DSP: variants seen among roughly 807,000 people sequenced by gnomAD.
The protein encoded by DSP is 250/210 kDa paraneoplastic pemphigus antigen.
Under a neutral mutation model 290.6 loss-of-function variants are expected in DSP, and 114 were observed. The ratio of observed to expected loss-of-function variants is 0.39; its 90% confidence interval spans 0.34 to 0.46. The LOEUF is 0.46. Among genes scored for constraint, DSP ranks in the 20% least tolerant of loss-of-function variants. The probability of loss-of-function intolerance (pLI) is 0.99; values close to 1 mark genes in which losing one functional copy is unlikely to be tolerated. For missense variants in DSP, 3,230 were observed against 3,495.8 expected (o/e 0.92, Z 1.92); for synonymous variants, 1,311 against 1,316.4 (o/e 1.00, Z 0.09).
rs1229844744 is a variant in DSP at position 7,567,675 on chromosome 6, A to G, written c.1141-106A>G. 1.9e-5 allele frequency: 29 copies of G among 1,560,272 alleles called. No individual in the cohort carries two copies. The African/African-American group carries it at 2.2e-4, about 12-fold the overall frequency. The stretch of plus-strand genomic sequence containing the variant: ...TCTGCACGAATTTTTTCCTTTAGCC[A>G]CCTGTCAAAGAGATGTTTAGGGATG... On this transcript the variant is annotated intron_variant, in intron 9 of 23. Transcript: ENST00000379802.
At chr6:7,559,656 G>A (rs1758621557) in intron 4 of DSP, among the ~76,000 whole-genome samples, 1 of 152,150 alleles carries the variant, frequency 6.6e-6, no homozygotes, top group South Asian at 2.1e-4. Context: ...TATTTAACAT[G>A]TGTAATTTAG....
chr6:7,550,534 C>T (rs562307257), intron 1 of DSP, among the ~76,000 whole-genome samples: 15 of 152,072 alleles, frequency 9.9e-5, no homozygotes, highest in Non-Finnish European at 2.1e-4. Context: ...GGATTAGAAT[C>T]CAGAACTTGT....
At position 7,579,319 on chromosome 6, in the gene DSP, G is replaced by A; in HGVS notation, c.3129G>A (p.Leu1043=). The change falls in exon 23 of 24, where the codon CTG becomes CTA. Residue 1043 remains leucine, a synonymous_variant. Transcript: ENST00000379802. The surrounding 1 kb of genome is among the most constrained non-coding windows in gnomAD (Gnocchi z 4.1). ...KIEVLEEELR[L]ARDANSENCN... is the part of the protein sequence containing the mutation. Reference sequence around the variant, plus strand: ...AAGTTTTGGAAGAGGAGCTCAGACTGGCCCGAGATGCCAACTCGGAAAACT... The same window carrying A: ...AAGTTTTGGAAGAGGAGCTCAGACTAGCCCGAGATGCCAACTCGGAAAACT... 1 of 1,614,190 alleles carries A rather than the reference G, an allele frequency of 6.2e-7. No individual in the cohort carries two copies. The highest frequency in any genetic ancestry group is 8.5e-7 in the Non-Finnish European group (1 of 1,180,032).
At chr6:7,573,307 G>A (rs1174171389) in intron 15 of DSP, among the ~76,000 whole-genome samples, 5 of 152,024 alleles carry the variant, frequency 3.3e-5, no homozygotes, top group African/African-American at 4.8e-5. Flanking sequence ...GGCCAGGTGC[G>A]GTGGCTCACG....
rs1430146519 is a variant in DSP, at chr6:7,580,288, T to G, written c.4098T>G (p.Phe1366Leu). The change falls in exon 23 of 24, where the codon TTT (phenylalanine) becomes TTG (leucine). Residue 1366 changes from phenylalanine (F) to leucine (L), a missense_variant. This residue lies in a region of DSP where 1,714 missense variants were observed against 1,844.5 expected (regional missense o/e 0.93). Coordinates refer to ENST00000379802, the MANE Select transcript of DSP (RefSeq NM_004415.4). The surrounding 1 kb of genome is among the most constrained non-coding windows in gnomAD (Gnocchi z 4.2). ...DEEIISLKNQFETEINITKTT... is the reference protein window; with the variant it reads ...DEEIISLKNQLETEINITKTT... ...AGATCATTAGCTTAAAAAATCAGTT[T>G]GAGACCGAGATCAACATCACCAAGA... 1.2e-6 allele frequency: 2 copies of G among 1,611,650 alleles called. No homozygotes were observed. Among genetic ancestry groups the G allele is most frequent in the African/African-American group, 2.7e-5 (2 of 74,178 alleles).
intron 7 of DSP, 59 bp from the exon 8 acceptor site, chr6:7,566,318 G>C (rs1758862315): frequency 7.5e-7 from 1 of 1,337,646 alleles, no homozygotes; most frequent in African/African-American, 1.4e-5. Flanking sequence ...AGTACTGTGG[G>C]GGTGATGGAA....
intron 10 of DSP, 75 bp downstream of exon 10, chr6:7,567,981 G>A: frequency 6.3e-7 from 1 of 1,589,166 alleles, no homozygotes. Context: ...GATGCAGTTG[G>A]CTCTGATTAG....
At position 7,585,993 on chromosome 6, in the gene DSP, C is replaced by A; in HGVS notation, c.*115C>A. 3.7e-6 allele frequency: 4 copies of A among 1,075,244 alleles called. No homozygotes were observed. Among genetic ancestry groups the A allele is most frequent in the African/African-American group, 1.6e-5 (1 of 63,786 alleles). 66.6% of individuals were successfully genotyped at this position (1,075,244 alleles called of 1,614,324 possible). Reference sequence around the variant, plus strand: ...CAGTAGAGTGATAGGACATTCTATGCTTACAGAAAATATAGCCATGATTGA... The same window carrying A: ...CAGTAGAGTGATAGGACATTCTATGATTACAGAAAATATAGCCATGATTGA... On this transcript the variant is annotated 3_prime_UTR_variant, in exon 24 of 24. Coordinates refer to ENST00000379802, the MANE Select transcript of DSP (RefSeq NM_004415.4).
chr6:7,576,680 T>C (rs1425819665), intron 19 of DSP, among the ~76,000 whole-genome samples: 1 of 152,204 alleles, frequency 6.6e-6, no homozygotes, highest in Non-Finnish European at 1.5e-5. Flanking sequence ...GTTCTCTTCA[T>C]GTTATCATAA....
chr6:7,561,370 C>T (rs1758687711), intron 4 of DSP, among the ~76,000 whole-genome samples: 1 of 152,184 alleles, frequency 6.6e-6, no homozygotes, highest in African/African-American at 2.4e-5. Flanking sequence ...CAGGTTCGCT[C>T]TGGGATTTGC....
chr6:7,562,649 C>A lies in DSP; in HGVS notation c.598-3C>A. Reference sequence around the variant, plus strand: ...GGCGCCTCTCTTTGTCTTTGTGTCGCAGGCGGAGATGGACATGGTGGCCTG... The same window carrying A: ...GGCGCCTCTCTTTGTCTTTGTGTCGAAGGCGGAGATGGACATGGTGGCCTG... On this transcript the variant is annotated splice_polypyrimidine_tract_variant and splice_region_variant and intron_variant, in intron 4 of 23. Coordinates refer to ENST00000379802, the MANE Select transcript of DSP (RefSeq NM_004415.4). 2 of 1,614,120 alleles carry A rather than the reference C, an allele frequency of 1.2e-6. No homozygotes were observed. The highest frequency in any genetic ancestry group is 8.5e-7 in the Non-Finnish European group (1 of 1,180,010).
In DSP at chr6:7,581,071, G is replaced by T. The variant is rs746035936; in HGVS notation, c.4881G>T (p.Lys1627Asn). ...TGGAGCAGGCATCCATTGTTAAGAA[G>T]AGGAGTGAGGATGACCTCCGGCAGC... ...QQLEQASIVK[K>N]RSEDDLRQQR... is the part of the protein sequence containing the mutation. Residue 1627 changes from lysine (K) to asparagine (N), a missense_variant, in exon 23 of 24, where the codon AAG becomes AAT. Lys to Asn is a moderately conservative substitution (Grantham distance 94). Coordinates refer to ENST00000379802, the MANE Select transcript of DSP (RefSeq NM_004415.4). 1 of 1,614,078 alleles carries T rather than the reference G, an allele frequency of 6.2e-7. No homozygotes were observed.
chr6:7,573,024 C>T (rs1759103907), intron 15 of DSP, among the ~76,000 whole-genome samples: 1 of 151,998 alleles, frequency 6.6e-6, no homozygotes, highest in African/African-American at 2.4e-5. Context: ...CAGCTACTTG[C>T]TTGAGCTCAG....
Position 7,581,166 on chromosome 6 carries a change from C to G in DSP, c.4976C>G (p.Ser1659Cys). ...CAGGAAGAGCTGAGGAGGCTCTCTT[C>G]TGAGGTCGAGGCCCTGAGGCGGCAG... ...RTQEELRRLS[S>C]EVEALRRQLL... Residue 1659 changes from serine (S) to cysteine (C), a missense_variant, in exon 23 of 24, where the codon TCT becomes TGT. Coordinates refer to ENST00000379802, the MANE Select transcript of DSP (RefSeq NM_004415.4). 6.2e-7 allele frequency: 1 copy of G among 1,614,174 alleles called. No homozygotes were observed. The highest frequency in any genetic ancestry group is 8.5e-7 in the Non-Finnish European group (1 of 1,180,046).
Position 7,584,384 on chromosome 6 carries a change from C to T in DSP, c.7122C>T (p.Thr2374=), listed in dbSNP as rs2076300. The change falls in exon 24 of 24, where the codon ACC becomes ACT. Residue 2374 remains threonine (T), a synonymous_variant. Transcript: ENST00000379802. The surrounding 1 kb of genome is among the most constrained non-coding windows in gnomAD (Gnocchi z 6.4). ...GIRLLEAQIA[T]GGIIDPKESH... is the part of the protein sequence containing the mutation. ...GCTTATTAGAAGCACAGATCGCAAC[C>T]GGGGGGATCATTGACCCAAAGGAGA... 524,954 of 1,613,850 alleles carry T rather than the reference C, an allele frequency of 0.33. 89,258 individuals are homozygous for T. Among genetic ancestry groups the T allele is most frequent in the Middle Eastern group, 0.4 (2,413 of 6,062 alleles).
At chr6:7,556,141 A>C (rs1250060196) in intron 2 of DSP, among the ~76,000 whole-genome samples, 1 of 152,100 alleles carries the variant, frequency 6.6e-6, no homozygotes, top group Non-Finnish European at 1.5e-5. Flanking sequence ...GAGAAATGCA[A>C]CCTGGCATGT....
Position 7,585,759 on chromosome 6 carries a change from T to C in DSP, c.8497T>C (p.Ser2833Pro). The change falls in exon 24 of 24, where the codon TCT becomes CCT. Residue 2833 changes from serine to proline, a missense_variant. Physicochemically the swap from Ser to Pro is moderately conservative, Grantham distance 74. Coordinates refer to ENST00000379802, the MANE Select transcript of DSP (RefSeq NM_004415.4). ...GTCCCGCTCCGGCTCCCGCTCGGGA[T>C]CTCGCTCCGGATCTCGCTCCGGGTC... The part of the protein sequence containing the change: ...PGSRSGSRSG[S>P]RSGSRSGSRS... 1 of 1,608,296 alleles carries C rather than the reference T, an allele frequency of 6.2e-7. No individual in the cohort carries two copies. The highest frequency in any genetic ancestry group is 1.1e-5 in the South Asian group (1 of 90,614).
At position 7,585,964 on chromosome 6, in the gene DSP, C is replaced by T. The variant is rs909914525; in HGVS notation, c.*86C>T. Reference sequence around the variant, plus strand: ...AATAATAGAAAAGAAAATCCCGGTGCTTGCAGTAGAGTGATAGGACATTCT... The same window carrying T: ...AATAATAGAAAAGAAAATCCCGGTGTTTGCAGTAGAGTGATAGGACATTCT... On this transcript the variant is annotated 3_prime_UTR_variant, in exon 24 of 24. Coordinates refer to ENST00000379802, the MANE Select transcript of DSP (RefSeq NM_004415.4). 11 of 1,358,782 alleles carry T rather than the reference C, an allele frequency of 8.1e-6. No homozygotes were observed. The highest frequency in any genetic ancestry group is 1.1e-5 in the Non-Finnish European group (11 of 963,752). 84.2% of individuals were successfully genotyped at this position (1,358,782 alleles called of 1,614,324 possible).
chr6:7,583,193 A>C lies in DSP; in HGVS notation c.5931A>C (p.Ala1977=). The change falls in exon 24 of 24, where the codon GCA becomes GCC. Residue 1977 remains alanine (A), a synonymous_variant. Coordinates refer to ENST00000379802, the MANE Select transcript of DSP (RefSeq NM_004415.4). This position sits in a 1 kb window ranked among gnomAD's most constrained non-coding sequence, Gnocchi z 4.0. ...ATGGGCTGAGGAAGAAGGTGACAGC[A>C]ATGCAGCTCTATGAGTGTCAGCTGA... ...VFDGLRKKVT[A]MQLYECQLID... The C allele has an allele frequency of 6.2e-7, 1 of 1,614,170 alleles. No individual in the cohort carries two copies. The highest frequency in any genetic ancestry group is 1.1e-5 in the South Asian group (1 of 91,070).
Sources: gnomAD v4.1 joint callset for allele counts (sites outside exome capture counted in the v4.1 genomes callset) on GRCh38, gnomAD v4.1.1 for gene constraint, gnomAD v4.1.1 regional missense constraint, Gnocchi (gnomAD v3.1) non-coding constraint, MANE v1.5 for transcripts, NCBI Gene and HGNC (gene_info 2026-07-23, HGNC 2026-07-21) for gene names.